SLC16A2: variants seen among roughly 807,000 people sequenced by gnomAD.
The protein encoded by SLC16A2 is solute carrier family 16 member 2, also known as monocarboxylate transporter 8.
SLC16A2 carries 3 observed loss-of-function variants against 27.2 expected under a neutral mutation model. The ratio of observed to expected loss-of-function variants is 0.11; its 90% CI spans 0.05 to 0.28. The LOEUF (loss-of-function observed/expected upper bound fraction) is 0.28. Ranked by LOEUF, SLC16A2 falls within the 10% of genes least tolerant of loss-of-function variation. The pLI is 1.00. For synonymous variants in SLC16A2, 202 were observed against 187.8 expected (o/e 1.08, Z -0.62); for missense variants, 295 against 458.5 (o/e 0.64, Z 3.26).
At chrX:74,472,960 G>A in intron 1 of SLC16A2, 1 of 426,929 alleles carries the variant, frequency 2.3e-6, no homozygotes, top group Non-Finnish European at 4.2e-6. Context: ...GTTGTAACCT[G>A]TAGCTTCCCT....
chrX:74,435,512 C>CAT (rs59237827), intron 1 of SLC16A2, among the ~76,000 whole-genome samples: 5 of 7,744 alleles, frequency 6.5e-4, no homozygotes, highest in East Asian at 0.021. Context: ...TATGTATATG[C>CAT]ATATATATAT....
chrX:74,470,933 G>A (rs1209327310), intron 1 of SLC16A2, among the ~76,000 whole-genome samples: 6 of 109,268 alleles, frequency 5.5e-5, no homozygotes, highest in Admixed American at 1.9e-4. Context: ...GCGAGACTCC[G>A]TCTCAAAAAA....
intron 1 of SLC16A2, among the ~76,000 whole-genome samples, chrX:74,431,217 G>C (rs1928529328): frequency 8.9e-6 from 1 of 112,577 alleles, no homozygotes; most frequent in Admixed American, 9.4e-5. Flanking sequence ...ATCAACCTAG[G>C]TGCTCATTGA....
chrX:74,474,751 T>C (rs1260596913), intron 1 of SLC16A2, among the ~76,000 whole-genome samples: 3 of 110,878 alleles, frequency 2.7e-5, no homozygotes, highest in South Asian at 7.7e-4. Context: ...GTCCTTGCGA[T>C]AGTTTGCTGA....
chrX:74,423,989 G>A (rs890467309), intron 1 of SLC16A2, among the ~76,000 whole-genome samples: 3 of 109,750 alleles, frequency 2.7e-5, no homozygotes, highest in Non-Finnish European at 3.8e-5. Context: ...TTACCAGGAA[G>A]AGGCTCACTG....
chrX:74,452,179 A>G (rs1928956167), intron 1 of SLC16A2, among the ~76,000 whole-genome samples: 1 of 112,172 alleles, frequency 8.9e-6, no homozygotes. Flanking sequence ...CCACACTTCC[A>G]ATTGCCAGTG....
chrX:74,509,573 C>CT (rs756722619), intron 1 of SLC16A2, among the ~76,000 whole-genome samples: 2 of 108,703 alleles, frequency 1.8e-5, no homozygotes, highest in African/African-American at 6.7e-5. Flanking sequence ...GTTTTTTCCC[C>CT]TTTTTTTTGA....
At chrX:74,515,994 T>C (rs1450207039) in intron 1 of SLC16A2, among the ~76,000 whole-genome samples, 1 of 112,453 alleles carries the variant, frequency 8.9e-6, no homozygotes, top group Non-Finnish European at 1.9e-5. Flanking sequence ...AAAGTAAAAT[T>C]ATACATAAAT....
chrX:74,521,996 T>C (rs1441402424), intron 2 of SLC16A2, among the ~76,000 whole-genome samples: 1 of 111,960 alleles, frequency 8.9e-6, no homozygotes, highest in African/African-American at 3.3e-5. Flanking sequence ...AACCACAGCC[T>C]GAGGAATATG....
Position 74,533,636 on chromosome X carries a change from G to C in SLC16A2, c.*2083G>C, listed in dbSNP as rs766178252. ...AGTCGCCCACTTCTCTCCAGATGAA[G>C]GGAAGACATTCATAGGTCCCAAATC... On this transcript the variant is annotated 3_prime_UTR_variant, in exon 6 of 6. Coordinates refer to ENST00000587091, the MANE Select transcript of SLC16A2 (RefSeq NM_006517.5). The C allele has an allele frequency of 8.9e-6, 1 of 112,826 alleles. No individual in the cohort carries two copies. Among genetic ancestry groups the C allele is most frequent in the Admixed American group, 9.4e-5 (1 of 10,694 alleles). 9.3% of individuals were successfully genotyped at this position (112,826 alleles called of 1,213,427 possible).
chrX:74,495,442 C>T (rs1929916186), intron 1 of SLC16A2, among the ~76,000 whole-genome samples: 1 of 108,339 alleles, frequency 9.2e-6, no homozygotes, highest in South Asian at 4.2e-4. Flanking sequence ...CTCATCTGTA[C>T]AGCAAAGATA....
At chrX:74,423,541 G>C (rs770404067) in intron 1 of SLC16A2, among the ~76,000 whole-genome samples, 5 of 111,414 alleles carry the variant, frequency 4.5e-5, no homozygotes, top group Non-Finnish European at 9.4e-5. Context: ...GCACAGCAGC[G>C]GTGTGCAGGC....
intron 1 of SLC16A2, among the ~76,000 whole-genome samples, chrX:74,494,916 G>A (rs1182249476): frequency 9.0e-6 from 1 of 110,968 alleles, no homozygotes; most frequent in East Asian, 2.9e-4. Flanking sequence ...AAGCCTTTAG[G>A]AAGGGGGCAG....
chrX:74,466,977 G>A (rs1929262572), intron 1 of SLC16A2, among the ~76,000 whole-genome samples: 1 of 112,510 alleles, frequency 8.9e-6, no homozygotes, highest in Non-Finnish European at 1.9e-5. Context: ...AATGGAGCTA[G>A]ATGCTTTCCT....
chrX:74,462,631 TA>T (rs35242099), intron 1 of SLC16A2, among the ~76,000 whole-genome samples: 48,598 of 110,369 alleles, frequency 0.44, 8,588 homozygotes, highest in East Asian at 0.97. Flanking sequence ...TTGGTGTTCT[TA>T]ACCCAGCATC....
chrX:74,466,661 C>T (rs141581001), intron 1 of SLC16A2, among the ~76,000 whole-genome samples: 1,530 of 111,751 alleles, frequency 0.014, 15 homozygotes, highest in Non-Finnish European at 0.018. Context: ...GTTGAACCCA[C>T]TGATGCAGAA....
chrX:74,505,647 G>A (rs1930111360), intron 1 of SLC16A2, among the ~76,000 whole-genome samples: 2 of 112,064 alleles, frequency 1.8e-5, no homozygotes, highest in African/African-American at 6.5e-5. Context: ...CAGCTCTGAG[G>A]ATCAAAGCCA....
At chrX:74,496,251 A>AACACAC (rs768625772) in intron 1 of SLC16A2, among the ~76,000 whole-genome samples, 3 of 64,155 alleles carry the variant, frequency 4.7e-5, no homozygotes, top group African/African-American at 1.1e-4. Context: ...GAAGACAGAA[A>AACACAC]ACACACACAC....
chrX:74,497,414 T>C (rs1019793546), intron 1 of SLC16A2, among the ~76,000 whole-genome samples: 1 of 110,574 alleles, frequency 9.0e-6, no homozygotes, highest in Non-Finnish European at 1.9e-5. Context: ...GCACTTTTTG[T>C]CATCTCAGCG....
Sources: allele counts gnomAD v4.1 joint callset (sites outside exome capture counted in the v4.1 genomes callset), GRCh38; gene constraint gnomAD v4.1.1; transcripts MANE v1.5; gene names NCBI Gene and HGNC (gene_info 2026-07-23, HGNC 2026-07-21).